CADPS2: variants seen among roughly 807,000 people sequenced by gnomAD.
CADPS2 encodes the protein calcium dependent secretion activator 2.
In CADPS2, 93 loss-of-function variants were observed where a neutral mutation model predicts 172.5. That is an observed-to-expected ratio of 0.54 (90% CI 0.46 to 0.64). The LOEUF is 0.64. CADPS2 is among the 30% of genes least tolerant of loss of function. The pLI is 0.00. For missense variants in CADPS2, 1,420 were observed against 1,565.9 expected, an observed-to-expected ratio of 0.91 and a Z score of 1.57; for synonymous variants, 546 against 555.2, an observed-to-expected ratio of 0.98 and a Z score of 0.23.
At chr7:122,397,609 T>C (rs1185077929) in intron 20 of CADPS2, among the ~76,000 whole-genome samples, 2 of 152,206 alleles carry the variant, frequency 1.3e-5, no homozygotes, top group African/African-American at 4.8e-5. Flanking sequence ...CCTTCCTTCG[T>C]TGTCCATATG....
chr7:122,847,479 T>C (rs1037722896), intron 1 of CADPS2, among the ~76,000 whole-genome samples: 9 of 152,248 alleles, frequency 5.9e-5, no homozygotes, highest in Admixed American at 1.3e-4. Flanking sequence ...TTTTACTTTC[T>C]TCAATAATTA....
At chr7:122,572,608 C>T (rs145917241) in intron 7 of CADPS2, among the ~76,000 whole-genome samples, 96 of 152,108 alleles carry the variant, frequency 6.3e-4, no homozygotes, top group Non-Finnish European at 1.3e-3. Flanking sequence ...TATATACTAC[C>T]CAATATTTCA....
chr7:122,704,257 T>TA (rs539251181), intron 2 of CADPS2, among the ~76,000 whole-genome samples: 55 of 151,452 alleles, frequency 3.6e-4, no homozygotes, highest in African/African-American at 9.0e-4. Context: ...TTTGCTTTTT[T>TA]AAAAAAAAAC....
intron 2 of CADPS2, among the ~76,000 whole-genome samples, chr7:122,721,465 T>C (rs1776791494): frequency 6.6e-6 from 1 of 151,996 alleles, no homozygotes; most frequent in African/African-American, 2.4e-5. Context: ...CCTCAACACA[T>C]ACACCCTCCC....
At chr7:122,638,028 T>C (rs1052660029) in intron 3 of CADPS2, among the ~76,000 whole-genome samples, 1 of 152,192 alleles carries the variant, frequency 6.6e-6, no homozygotes, top group African/African-American at 2.4e-5. Context: ...TGTAGCTCTG[T>C]TGTATTTTGG....
intron 3 of CADPS2, among the ~76,000 whole-genome samples, chr7:122,637,437 T>G (rs1279686993): frequency 1.3e-5 from 2 of 152,272 alleles, no homozygotes; most frequent in East Asian, 1.9e-4. Context: ...CCCAAAGTGC[T>G]GGGATTACAA....
At position 122,521,211 on chromosome 7, in the gene CADPS2, G is replaced by A. The variant is rs1208935242; in HGVS notation, c.1476-7896C>T. ...CATTCGGATAGAGTTCGGTTAACAT[G>A]TGGCAGAAGTAATCATCCACTTGTG... is the stretch of plus-strand genomic sequence containing the variant. On this transcript the variant is annotated intron_variant, in intron 8 of 29. Transcript: ENST00000449022. Among the ~76,000 whole-genome samples the A allele has an allele frequency of 3.9e-5, 6 of 152,286 alleles. No homozygotes were observed. In the South Asian group the frequency reaches 1.2e-3, roughly 32 times the overall value.
intron 3 of CADPS2, among the ~76,000 whole-genome samples, chr7:122,653,942 C>T (rs1351954488): frequency 6.6e-6 from 1 of 152,084 alleles, no homozygotes; most frequent in Non-Finnish European, 1.5e-5. Context: ...TGAAAATAGG[C>T]CAATTAATAA....
chr7:122,391,201 T>C (rs2044324733), intron 22 of CADPS2, among the ~76,000 whole-genome samples: 1 of 152,104 alleles, frequency 6.6e-6, no homozygotes, highest in South Asian at 2.1e-4. Flanking sequence ...CTAATGTTGA[T>C]AACCTTGGTA....
rs571511621 is a variant in CADPS2, at chr7:122,836,091, C to A, written c.339+49908G>T. 7.9e-3 allele frequency among the ~76,000 whole-genome samples: 1,209 copies of A among 152,304 alleles called. 8 individuals are homozygous for A. The highest frequency in any genetic ancestry group is 0.011 in the Non-Finnish European group (764 of 68,030). On this transcript the variant is annotated intron_variant, in intron 1 of 29. Coordinates refer to ENST00000449022, the MANE Select transcript of CADPS2 (RefSeq NM_017954.11). ...CTAACAGTGGATCTCTCAGCAGAAA[C>A]TCTACAAGCCAGAAGAGAGTGGGGG...
At chr7:122,850,034 T>C in intron 1 of CADPS2, 1 of 1,092,088 alleles carries the variant, frequency 9.2e-7, no homozygotes, top group South Asian at 1.9e-5. Context: ...CCCTGCTGCA[T>C]CTGCAGTTTG....
intron 2 of CADPS2, chr7:122,698,473 T>C: frequency 6.2e-7 from 1 of 1,613,844 alleles, no homozygotes; most frequent in East Asian, 2.2e-5. Context: ...CACAACGACA[T>C]CTTCAAATGC....
chr7:122,709,563 A>G (rs935427952), intron 2 of CADPS2, among the ~76,000 whole-genome samples: 1 of 151,284 alleles, frequency 6.6e-6, no homozygotes, highest in African/African-American at 2.4e-5. Context: ...CTGGGTATAT[A>G]CCCAAAGGAC....
intron 3 of CADPS2, 108 bp downstream of exon 3, chr7:122,663,129 C>G: frequency 1.2e-6 from 1 of 845,346 alleles, no homozygotes; most frequent in Admixed American, 2.9e-5. Flanking sequence ...CTCAACTTTC[C>G]AAGTAAAGTG....
At position 122,319,458 on chromosome 7, in the gene CADPS2, T is replaced by C. The variant is rs578011673; in HGVS notation, c.*707A>G. 6.6e-6 allele frequency: 1 copy of C among 152,286 alleles called. No homozygotes were observed. The highest frequency in any genetic ancestry group is 2.4e-5 in the African/African-American group (1 of 41,552). 9.4% of individuals were successfully genotyped at this position (152,286 alleles called of 1,614,324 possible). A position where few individuals can be genotyped will look rare whatever the true frequency, so the allele number is the denominator to read the frequency against. ...TATACTGGAGCAGGAGAATATGGTATCTTGACGGAAGCACACTTGCTACCC... is the reference window on the plus strand; with the variant it reads ...TATACTGGAGCAGGAGAATATGGTACCTTGACGGAAGCACACTTGCTACCC... On this transcript the variant is annotated 3_prime_UTR_variant, in exon 30 of 30. Transcript: ENST00000449022.
chr7:122,659,751 G>A (rs2080303088), intron 3 of CADPS2, among the ~76,000 whole-genome samples: 1 of 152,052 alleles, frequency 6.6e-6, no homozygotes, highest in South Asian at 2.1e-4. Context: ...CTTGAAGGAA[G>A]CCATAAGGGG....
intron 15 of CADPS2, among the ~76,000 whole-genome samples, chr7:122,441,922 A>G (rs772067932): frequency 2.1e-4 from 32 of 152,332 alleles, no homozygotes; most frequent in Non-Finnish European, 3.4e-4. Context: ...TTCAAGTTCT[A>G]AGAGAAAATG....
intron 7 of CADPS2, among the ~76,000 whole-genome samples, chr7:122,563,784 T>A (rs1033848355): frequency 6.6e-6 from 1 of 152,092 alleles, no homozygotes; most frequent in African/African-American, 2.4e-5. Context: ...GAACATAAAG[T>A]TATGGCAAAA....
chr7:122,531,138 C>T (rs2061716864), intron 8 of CADPS2, among the ~76,000 whole-genome samples: 1 of 152,160 alleles, frequency 6.6e-6, no homozygotes, highest in African/African-American at 2.4e-5. Flanking sequence ...GCAAGCTGTA[C>T]TGGTAGTTTA....
Sources: allele counts gnomAD v4.1 joint callset (sites outside exome capture counted in the v4.1 genomes callset), GRCh38; gene constraint gnomAD v4.1.1; transcripts MANE v1.5; gene names NCBI Gene and HGNC (gene_info 2026-07-23, HGNC 2026-07-21).